SPG7: variants seen among roughly 807,000 people sequenced by gnomAD.
SPG7 encodes mitochondrial inner membrane m-AAA protease component paraplegin.
In SPG7, 103 loss-of-function variants were observed where a neutral mutation model predicts 81.9. The observed-to-expected ratio is 1.26, with a 90% CI of 1.07 to 1.48. SPG7 has a LOEUF of 1.48. Among genes scored for constraint, SPG7 ranks in the 40% most tolerant of loss-of-function variants. The pLI is 0.00. For synonymous variants in SPG7, 534 were observed against 444.2 expected (o/e 1.20, Z -2.54); for missense variants, 1,241 against 1,087.3 (o/e 1.14, Z -1.99).
intron 5 of SPG7, chr16:89,527,039 A>C (rs1419506734): frequency 4.3e-6 from 1 of 230,222 alleles, no homozygotes; most frequent in African/African-American, 2.3e-5. Flanking sequence ...TAACCTAAGA[A>C]CATTCTCTGA....
chr16:89,546,327 G>A (rs938462164), intron 10 of SPG7: 2 of 356,846 alleles, frequency 5.6e-6, no homozygotes, highest in African/African-American at 4.3e-5. Flanking sequence ...AAAGTGCTAG[G>A]ATTACAGGTG....
At chr16:89,515,147 A>C (rs2058078783) in intron 3 of SPG7, among the ~76,000 whole-genome samples, 1 of 150,818 alleles carries the variant, frequency 6.6e-6, no homozygotes, top group Admixed American at 6.6e-5. Context: ...CGTGTTAGCC[A>C]GGATGGTCTC....
Position 89,548,064 on chromosome 16 carries a change from T to C in SPG7, c.1614T>C (p.Thr538=). ...AALHAAREGH[T]SVHTLNFEYA... is the part of the protein sequence containing the mutation. ...TGCACGCGGCGCGGGAGGGACACAC[T>C]TCCGTGCACACTCTCAACTTCGAGT... Residue 538 remains threonine, a synonymous_variant, in exon 12 of 17, where the codon ACT becomes ACC. Coordinates refer to ENST00000645818, the MANE Select transcript of SPG7 (RefSeq NM_003119.4). 1.9e-6 allele frequency: 3 copies of C among 1,610,956 alleles called. No individual in the cohort carries two copies. Among genetic ancestry groups the C allele is most frequent in the Non-Finnish European group, 1.7e-6 (2 of 1,179,988 alleles).
In SPG7 at chr16:89,552,885, C is replaced by T. The variant is rs112372464; in HGVS notation, c.1780-94C>T. On this transcript the variant is annotated intron_variant, in intron 13 of 16. Coordinates refer to ENST00000645818, the MANE Select transcript of SPG7 (RefSeq NM_003119.4). ...GCACATTTGCCTTCCTGCTTTGAGA[C>T]GCTTTAATGACGGAGACCTCTTAGT... 1,627 of 1,236,334 alleles carry T rather than the reference C, an allele frequency of 1.3e-3. 15 individuals carry two copies. The African/African-American group carries it at 0.022, about 16-fold the overall frequency. The allele number at this position is 1,236,334 out of a possible 1,614,324, so 76.6% of individuals were successfully genotyped here. A position where few individuals can be genotyped will look rare whatever the true frequency, so the allele number is the denominator to read the frequency against.
chr16:89,553,327 AC>A (rs1597664481), intron 14 of SPG7, 192 bp downstream of exon 14: 1 of 660,014 alleles, frequency 1.5e-6, no homozygotes, highest in Non-Finnish European at 2.6e-6. Flanking sequence ...ATTTAATTGG[AC>A]AAAAACTTAA....
intron 5 of SPG7, among the ~76,000 whole-genome samples, chr16:89,528,165 C>G (rs965504812): frequency 2.0e-5 from 3 of 151,096 alleles, no homozygotes; most frequent in African/African-American, 7.3e-5. Context: ...CCGAGGCGGG[C>G]AGATCACGAG....
chr16:89,511,915 T>G (rs535999287), intron 2 of SPG7, among the ~76,000 whole-genome samples: 241 of 150,788 alleles, frequency 1.6e-3, no homozygotes, highest in East Asian at 0.011. Flanking sequence ...TGTTGTTGTT[T>G]ATTATTATTT....
At chr16:89,555,071 A>G (rs1597666609) in intron 16 of SPG7, 1 of 154,718 alleles carries the variant, frequency 6.5e-6, no homozygotes, top group Admixed American at 6.2e-5. Flanking sequence ...ATGCACCAAC[A>G]CACTCGGCTT....
intron 16 of SPG7, chr16:89,556,319 A>C (rs868094588): frequency 2.5e-4 from 93 of 374,186 alleles, no homozygotes; most frequent in Non-Finnish European, 2.5e-4. Context: ...AACAACAACA[A>C]CAAAAAATCT....
rs200913855 is a variant in SPG7 at position 89,515,714 on chromosome 16, TA to T, written c.376+2678del. On this transcript the variant is annotated intron_variant, in intron 3 of 16. Coordinates refer to ENST00000645818, the MANE Select transcript of SPG7 (RefSeq NM_003119.4). ...TTATTATTATTACTATTATTATTATTATTTTTTTTTTTGAGATGGGGTCTCG... is the reference window on the plus strand; with the variant it reads ...TTATTATTATTACTATTATTATTATTTTTTTTTTTTTGAGATGGGGTCTCG... 6.8e-3 allele frequency among the ~76,000 whole-genome samples: 991 copies of T among 146,226 alleles called. 15 individuals carry two copies. Among genetic ancestry groups the T allele is most frequent in the South Asian group, 0.034 (159 of 4,656 alleles).
In SPG7 at chr16:89,532,554, C is replaced by G. The variant is rs776578314; in HGVS notation, c.1242C>G (p.Gly414=). ...IVYIDEIDAV[G]KKRSTTMSGF... is the part of the protein sequence containing the mutation. ...ACATCGATGAGATCGACGCGGTGGGCAAGAAGCGCTCCACCACCATGTCCG... is the reference window on the plus strand; with the variant it reads ...ACATCGATGAGATCGACGCGGTGGGGAAGAAGCGCTCCACCACCATGTCCG... The change falls in exon 9 of 17, where the codon GGC becomes GGG. Residue 414 remains glycine (G), a synonymous_variant. Transcript: ENST00000645818. 4 of 1,613,752 alleles carry G rather than the reference C, an allele frequency of 2.5e-6. No homozygotes were observed. The Admixed American group carries it at 6.7e-5, about 27-fold the overall frequency.
Position 89,526,348 on chromosome 16 carries a change from G to T in SPG7, c.638G>T (p.Arg213Leu), listed in dbSNP as rs147673636. ...FGRPRLALMYRMQVANIDKFE... is the reference protein window; with the variant it reads ...FGRPRLALMYLMQVANIDKFE... ...CCCCAGCGGCTAGCCTTGATGTACC[G>T]AATGCAGGTTGCAAATATTGACAAG... Residue 213 changes from arginine (R) to leucine (L), a missense_variant, in exon 5 of 17, where the codon CGA (arginine) becomes CTA (leucine). Coordinates refer to ENST00000645818, the MANE Select transcript of SPG7 (RefSeq NM_003119.4). 3 of 1,614,014 alleles carry T rather than the reference G, an allele frequency of 1.9e-6. No homozygotes were observed. In the African/African-American group the frequency reaches 4.0e-5, roughly 22 times the overall value.
intron 11 of SPG7, 39 bp from the exon 12 acceptor site, chr16:89,547,964 A>G: frequency 6.6e-7 from 1 of 1,520,636 alleles, no homozygotes; most frequent in Non-Finnish European, 9.1e-7. Flanking sequence ...CTGATAGCAG[A>G]AACCCACCCA....
chr16:89,543,091 G>A (rs560831381), intron 9 of SPG7: 5 of 151,742 alleles, frequency 3.3e-5, no homozygotes, highest in East Asian at 3.9e-4. Context: ...GGGACTACAG[G>A]CGCCCGCCAC....
At chr16:89,548,977 C>A (rs1207374842) in intron 12 of SPG7, 2 of 455,046 alleles carry the variant, frequency 4.4e-6, no homozygotes, top group Non-Finnish European at 8.8e-6. Context: ...ACGCCTCTTG[C>A]AGGTCCCCAG....
At chr16:89,524,746 G>A (rs935457553) in intron 4 of SPG7, among the ~76,000 whole-genome samples, 8 of 152,034 alleles carry the variant, frequency 5.3e-5, no homozygotes, top group Non-Finnish European at 1.5e-5. Flanking sequence ...TGCCCAGCCA[G>A]ATCTGGTAAC....
chr16:89,511,127 C>G (rs899173077), intron 2 of SPG7, among the ~76,000 whole-genome samples: 1 of 152,122 alleles, frequency 6.6e-6, no homozygotes. Flanking sequence ...CATGAGCCAC[C>G]GCATCTGGCC....
At chr16:89,550,425 G>A in intron 12 of SPG7, 69 bp from the exon 13 acceptor site, 1 of 1,081,268 alleles carries the variant, frequency 9.2e-7, no homozygotes, top group Non-Finnish European at 1.4e-6. Context: ...CGCCCGCCTT[G>A]GCCTCCCACA....
chr16:89,551,546 A>G (rs1471704069), intron 13 of SPG7: 1 of 152,238 alleles, frequency 6.6e-6, no homozygotes, highest in Non-Finnish European at 1.5e-5. Context: ...GCGAGTGGAC[A>G]CTCAGCTGGG....
Sources: gnomAD v4.1 joint callset for allele counts (sites outside exome capture counted in the v4.1 genomes callset) on GRCh38, gnomAD v4.1.1 for gene constraint, MANE v1.5 for transcripts, NCBI Gene and HGNC (gene_info 2026-07-23, HGNC 2026-07-21) for gene names.